The following CLEC4G variants were observed in gnomAD, a reference collection of about 807,000 sequenced individuals.
CLEC4G encodes the protein C-type lectin superfamily 4, member G.
CLEC4G carries 34 observed loss-of-function variants against 37.0 expected under a neutral mutation model. That is an observed-to-expected ratio of 0.92 (90% confidence interval 0.70 to 1.22). CLEC4G has a LOEUF of 1.22. Among genes scored for constraint, CLEC4G ranks in the 50% most tolerant of loss-of-function variants. CLEC4G has a pLI of 0.00. For missense variants in CLEC4G, 390 were observed against 392.9 expected (o/e 0.99, Z 0.06); for synonymous variants, 167 against 165.6 (o/e 1.01, Z -0.06).
In CLEC4G at chr19:7,730,333, A is replaced by C; in HGVS notation, c.478+18T>G. ...CTTACGCCCTCACAGCCCGCCCCCGACCCCCCGTCTCGCTCACTGTTCTGG... is the reference window on the plus strand; with the variant it reads ...CTTACGCCCTCACAGCCCGCCCCCGCCCCCCCGTCTCGCTCACTGTTCTGG... On this transcript the variant is annotated intron_variant, in intron 6 of 8. Transcript: ENST00000328853. The surrounding 1 kb of genome is among the most constrained non-coding windows in gnomAD (Gnocchi z 7.3). The C allele has an allele frequency of 1.5e-6, 2 of 1,298,704 alleles. No individual in the cohort carries two copies. The highest frequency in any genetic ancestry group is 2.2e-6 in the Non-Finnish European group (2 of 906,562). 80.4% of individuals were successfully genotyped at this position (1,298,704 alleles called of 1,614,324 possible).
chr19:7,730,707 CG>C lies in CLEC4G; in HGVS notation c.388+47del. 1 of 1,479,596 alleles carries C rather than the reference CG, an allele frequency of 6.8e-7. No homozygotes were observed. Among genetic ancestry groups the C allele is most frequent in the Non-Finnish European group, 9.0e-7 (1 of 1,117,238 alleles). 91.7% of individuals were successfully genotyped at this position (1,479,596 alleles called of 1,614,324 possible). On this transcript the variant is annotated intron_variant, in intron 5 of 8. Transcript: ENST00000328853. This position sits in a 1 kb window ranked among gnomAD's most constrained non-coding sequence, Gnocchi z 7.3. ...TCAGCACTCAGGACGGGGTCGGGGTCGGGGGACGCGGCCAGGGCTCAGGGCC... is the reference window on the plus strand; with the variant it reads ...TCAGCACTCAGGACGGGGTCGGGGTCGGGGACGCGGCCAGGGCTCAGGGCC...
In CLEC4G at chr19:7,731,295, A is replaced by AG; in HGVS notation, c.190dup (p.Leu64ProfsTer2). ...TGTCCTCAGCAGGTCGTGGCCGTCA[A>AG]GCAGCGCCGCGCGCTCCGTGGAGGC... On this transcript the variant is annotated frameshift_variant, in exon 3 of 9. Transcript: ENST00000328853. LOFTEE classifies it high-confidence loss of function. The AG allele has an allele frequency of 6.3e-7, 1 of 1,586,094 alleles. No homozygotes were observed. The highest frequency in any genetic ancestry group is 8.5e-7 in the Non-Finnish European group (1 of 1,170,576).
chr19:7,729,590 T>TGAA, intron 8 of CLEC4G, 86 bp from the exon 9 acceptor site: 1 of 1,238,554 alleles, frequency 8.1e-7, no homozygotes, highest in Non-Finnish European at 1.1e-6. Context: ...GGCTCTAGCC[T>TGAA]GTTTATTGCT....
chr19:7,730,708 G>T lies in CLEC4G; in HGVS notation c.388+47C>A, dbSNP rs1440344433. ...CAGCACTCAGGACGGGGTCGGGGTCGGGGGACGCGGCCAGGGCTCAGGGCC... is the reference window on the plus strand; with the variant it reads ...CAGCACTCAGGACGGGGTCGGGGTCTGGGGACGCGGCCAGGGCTCAGGGCC... On this transcript the variant is annotated intron_variant, in intron 5 of 8. Transcript: ENST00000328853. The surrounding 1 kb of genome is among the most constrained non-coding windows in gnomAD (Gnocchi z 7.3). 1.3e-6 allele frequency: 2 copies of T among 1,507,000 alleles called. No homozygotes were observed. The highest frequency in any genetic ancestry group is 4.2e-5 in the Admixed American group (2 of 47,682). 93.4% of individuals were successfully genotyped at this position (1,507,000 alleles called of 1,614,324 possible). A position where few individuals can be genotyped will look rare whatever the true frequency, so the allele number is the denominator to read the frequency against.
In CLEC4G at chr19:7,732,106, G is replaced by A. The variant is rs371699223; in HGVS notation, c.-4C>T. ...TGCTGTACCTGGTGGTGTCCATGGC[G>A]ATGCAGGCACCCAGTCCTGGGCAGA... On this transcript the variant is annotated 5_prime_UTR_variant, in exon 1 of 9. Coordinates refer to ENST00000328853, the MANE Select transcript of CLEC4G (RefSeq NM_198492.4). 7.2e-5 allele frequency: 115 copies of A among 1,593,744 alleles called. No individual in the cohort carries two copies. Among genetic ancestry groups the A allele is most frequent in the Admixed American group, 1.2e-4 (7 of 59,990 alleles).
At position 7,730,032 on chromosome 19, in the gene CLEC4G, C is replaced by G. The variant is rs2033403171; in HGVS notation, c.614G>C (p.Gly205Ala). The part of the protein sequence containing the change: ...DASAHLVIVG[G>A]LDEQGFLTRN... ...CCCCCTGCGCACCTGCTCATCCAGG[C>G]CCCCAACGATCACCAGGTGCGCGCT... The change falls in exon 7 of 9, where the codon GGC becomes GCC. Residue 205 changes from glycine to alanine, a missense_variant. Transcript: ENST00000328853. This position sits in a 1 kb window ranked among gnomAD's most constrained non-coding sequence, Gnocchi z 7.3. 6.2e-7 allele frequency: 1 copy of G among 1,600,240 alleles called. No homozygotes were observed. Among genetic ancestry groups the G allele is most frequent in the Non-Finnish European group, 8.5e-7 (1 of 1,175,458 alleles).
chr19:7,730,742 G>A lies in CLEC4G; in HGVS notation c.388+13C>T. 2 of 1,529,942 alleles carry A rather than the reference G, an allele frequency of 1.3e-6. No individual in the cohort carries two copies. The highest frequency in any genetic ancestry group is 1.7e-6 in the Non-Finnish European group (2 of 1,144,398). The allele number at this position is 1,529,942 out of a possible 1,614,324, so 94.8% of individuals were successfully genotyped here. On this transcript the variant is annotated intron_variant, in intron 5 of 8. Coordinates refer to ENST00000328853, the MANE Select transcript of CLEC4G (RefSeq NM_198492.4). The surrounding 1 kb of genome is among the most constrained non-coding windows in gnomAD (Gnocchi z 7.3). ...GGCCAGGGCTCAGGGCCGGGGTCGC[G>A]TCGGGCCCTCACCGCGCTCACGCAG...
chr19:7,731,865 A>G, intron 1 of CLEC4G, 94 bp from the exon 2 acceptor site: 1 of 1,536,996 alleles, frequency 6.5e-7, no homozygotes, highest in Non-Finnish European at 8.8e-7. Context: ...GAAGTTAAGT[A>G]ACTTGCCTAT....
At position 7,730,479 on chromosome 19, in the gene CLEC4G, G is replaced by A. The variant is rs769536630; in HGVS notation, c.389-39C>T. 2.1e-5 allele frequency: 34 copies of A among 1,593,866 alleles called. No homozygotes were observed. Among genetic ancestry groups the A allele is most frequent in the Non-Finnish European group, 2.8e-5 (33 of 1,177,450 alleles). On this transcript the variant is annotated intron_variant, in intron 5 of 8. Transcript: ENST00000328853. This position sits in a 1 kb window ranked among gnomAD's most constrained non-coding sequence, Gnocchi z 7.3. Reference sequence around the variant, plus strand: ...GGAGCGGGGATTATGGCTGGGGTCAGGGCCAGGACCAGGGTCATGACTAGC... The same window carrying A: ...GGAGCGGGGATTATGGCTGGGGTCAAGGCCAGGACCAGGGTCATGACTAGC...
In CLEC4G at chr19:7,730,504, C is replaced by A; in HGVS notation, c.389-64G>T. The A allele has an allele frequency of 6.3e-7, 1 of 1,575,444 alleles. No individual in the cohort carries two copies. Among genetic ancestry groups the A allele is most frequent in the South Asian group, 1.1e-5 (1 of 87,546 alleles). ...GGGCCAGGACCAGGGTCATGACTAG[C>A]TAAAGGTCAGGACCCCTGTCTGTGG... On this transcript the variant is annotated intron_variant, in intron 5 of 8. Transcript: ENST00000328853. This position sits in a 1 kb window ranked among gnomAD's most constrained non-coding sequence, Gnocchi z 7.3.
At chr19:7,731,207 G>T in intron 3 of CLEC4G, 59 bp downstream of exon 3, 1 of 1,571,968 alleles carries the variant, frequency 6.4e-7, no homozygotes. Flanking sequence ...CATCTCCGGG[G>T]TCTCAGAAAC....
rs1162589139 is a variant in CLEC4G at position 7,731,305 on chromosome 19, C to A, written c.181G>T (p.Ala61Ser). The change falls in exon 3 of 9, where the codon GCG becomes TCG. Residue 61 changes from alanine (A) to serine (S), a missense_variant. Ala to Ser is a moderately conservative substitution (Grantham distance 99). Transcript: ENST00000328853. ...AGGTCGTGGCCGTCAAGCAGCGCCG[C>A]GCGCTCCGTGGAGGCTGAGGAGAGA... is the stretch of plus-strand genomic sequence containing the variant. ...ILLSKASTER[A>S]ALLDGHDLLR... 1 of 1,579,696 alleles carries A rather than the reference C, an allele frequency of 6.3e-7. No homozygotes were observed. The highest frequency in any genetic ancestry group is 1.1e-5 in the South Asian group (1 of 87,090).
At position 7,730,183 on chromosome 19, in the gene CLEC4G, G is replaced by A; in HGVS notation, c.479-16C>T. The A allele has an allele frequency of 6.2e-7, 1 of 1,609,596 alleles. No homozygotes were observed. Among genetic ancestry groups the A allele is most frequent in the Non-Finnish European group, 8.5e-7 (1 of 1,178,490 alleles). On this transcript the variant is annotated splice_polypyrimidine_tract_variant and intron_variant, in intron 6 of 8. Transcript: ENST00000328853. The surrounding 1 kb of genome is among the most constrained non-coding windows in gnomAD (Gnocchi z 7.3). ...TCGCAGGAGTCTGCGGGGTGGCGAG[G>A]GTCAGAGAGGTCGCGTGCTTCCAGG...
In CLEC4G at chr19:7,730,697, G is replaced by A. The variant is rs1283766373; in HGVS notation, c.388+58C>T. The A allele has an allele frequency of 2.0e-6, 3 of 1,499,806 alleles. No individual in the cohort carries two copies. The African/African-American group carries it at 4.2e-5, about 21-fold the overall frequency. The allele number at this position is 1,499,806 out of a possible 1,614,324, so 92.9% of individuals were successfully genotyped here. On this transcript the variant is annotated intron_variant, in intron 5 of 8. Coordinates refer to ENST00000328853, the MANE Select transcript of CLEC4G (RefSeq NM_198492.4). The surrounding 1 kb of genome is among the most constrained non-coding windows in gnomAD (Gnocchi z 7.3). ...GGGTCGGGGGTCAGCACTCAGGACG[G>A]GGTCGGGGTCGGGGGACGCGGCCAG...
In CLEC4G at chr19:7,730,968, C is replaced by T. The variant is rs1296026245; in HGVS notation, c.283+58G>A. 2 of 1,528,318 alleles carry T rather than the reference C, an allele frequency of 1.3e-6. No homozygotes were observed. Among genetic ancestry groups the T allele is most frequent in the East Asian group, 2.4e-5 (1 of 41,044 alleles). The allele number at this position is 1,528,318 out of a possible 1,614,324, so 94.7% of individuals were successfully genotyped here. ...CGCAGGCCTCCGCCCCGGCCCCCCT[C>T]CCATCGCGGCCGCAAGACCCCATCC... On this transcript the variant is annotated intron_variant, in intron 4 of 8. Coordinates refer to ENST00000328853, the MANE Select transcript of CLEC4G (RefSeq NM_198492.4). The surrounding 1 kb of genome is among the most constrained non-coding windows in gnomAD (Gnocchi z 7.3).
At chr19:7,731,618 C>T (rs2146301440) in intron 2 of CLEC4G, 43 bp downstream of exon 2, 1 of 1,605,248 alleles carries the variant, frequency 6.2e-7, no homozygotes, top group East Asian at 2.2e-5. Flanking sequence ...TTTCTGTCCC[C>T]AGGGGGGCCG....
rs757857085 is a variant in CLEC4G, at chr19:7,730,367, G to C, written c.462C>G (p.Ala154=). ...VRTELFRALE[A]VRLQNNSCEP... is the part of the protein sequence containing the mutation. Reference sequence around the variant, plus strand: ...CTCGCTCACTGTTCTGGAGCCTCACGGCCTCCAGCGCCCGGAACAGCTCAG... The same window carrying C: ...CTCGCTCACTGTTCTGGAGCCTCACCGCCTCCAGCGCCCGGAACAGCTCAG... The change falls in exon 6 of 9, where the codon GCC becomes GCG. Residue 154 remains alanine, a synonymous_variant. Transcript: ENST00000328853. This position sits in a 1 kb window ranked among gnomAD's most constrained non-coding sequence, Gnocchi z 7.3. 2.5e-6 allele frequency: 4 copies of C among 1,603,136 alleles called. No homozygotes were observed. The highest frequency in any genetic ancestry group is 1.3e-5 in the African/African-American group (1 of 75,030).
Position 7,730,419 on chromosome 19 carries a change from G to C in CLEC4G, c.410C>G (p.Ala137Gly), listed in dbSNP as rs1350361828. ...GCGGACGTCCTCACGGCCCCTGCCG[G>C]CTTCAGCCAAGCCCTGGGTCACTGC... ...RERVTQGLAE[A>G]GRGREDVRTE... is the part of the protein sequence containing the mutation. The change falls in exon 6 of 9, where the codon GCC becomes GGC. Residue 137 changes from alanine to glycine, a missense_variant. Transcript: ENST00000328853. This position sits in a 1 kb window ranked among gnomAD's most constrained non-coding sequence, Gnocchi z 7.3. 1.2e-6 allele frequency: 2 copies of C among 1,601,636 alleles called. No homozygotes were observed. Among genetic ancestry groups the C allele is most frequent in the Non-Finnish European group, 1.7e-6 (2 of 1,179,888 alleles).
Position 7,729,158 on chromosome 19 carries a change from G to C in CLEC4G, c.*208C>G. 4.4e-6 allele frequency: 3 copies of C among 685,432 alleles called. No individual in the cohort carries two copies. The highest frequency in any genetic ancestry group is 8.0e-6 in the Non-Finnish European group (3 of 373,662). 42.5% of individuals were successfully genotyped at this position (685,432 alleles called of 1,614,324 possible). On this transcript the variant is annotated 3_prime_UTR_variant, in exon 9 of 9. Coordinates refer to ENST00000328853, the MANE Select transcript of CLEC4G (RefSeq NM_198492.4). ...TGGAGGTTAGGTTGGGTCTGCGTGA[G>C]TGGAGTTAGGATGAGGTCGGCATGG...
Sources: allele counts gnomAD v4.1 joint callset, GRCh38; gene constraint gnomAD v4.1.1; non-coding constraint Gnocchi (gnomAD v3.1); transcripts MANE v1.5; gene names NCBI Gene and HGNC (gene_info 2026-07-23, HGNC 2026-07-21).